CAPG: variants seen among roughly 807,000 people sequenced by gnomAD.
CAPG encodes macrophage-capping protein.
In CAPG, 32 loss-of-function variants were observed where a neutral mutation model predicts 44.6. The observed-to-expected ratio is 0.72, with a 90% CI of 0.54 to 0.96. The LOEUF is 0.96. Among genes scored for constraint, CAPG ranks in the 50% least tolerant of loss-of-function variants. The probability of loss-of-function intolerance (pLI) is 0.00; values close to 1 mark genes in which losing one functional copy is unlikely to be tolerated. For synonymous variants in CAPG, 175 were observed against 179.6 expected (o/e 0.97, Z 0.20); for missense variants, 412 against 438.3 (o/e 0.94, Z 0.54).
downstream of CAPG, among the ~76,000 whole-genome samples, chr2:85,392,365 G>A (rs1214202758): frequency 5.9e-5 from 9 of 151,354 alleles, no homozygotes; most frequent in East Asian, 1.6e-3. Flanking sequence ...ACTCCGGCCT[G>A]GGCAGCAGAG....
intron 1 of CAPG, among the ~76,000 whole-genome samples, chr2:85,403,016 G>A (rs937476122): frequency 6.0e-5 from 9 of 150,542 alleles, no homozygotes; most frequent in East Asian, 3.9e-4. Context: ...GGTGATTCAC[G>A]CGCCTCAGCC....
chr2:85,396,494 C>A (rs549879358), intron 8 of CAPG, among the ~76,000 whole-genome samples: 1 of 152,272 alleles, frequency 6.6e-6, no homozygotes, highest in South Asian at 2.1e-4. Flanking sequence ...CCATGAACTA[C>A]AATGTATCTG....
At chr2:85,396,011 C>T (rs745513493) in intron 8 of CAPG, 17 of 199,182 alleles carry the variant, frequency 8.5e-5, no homozygotes, top group Non-Finnish European at 1.7e-4. Flanking sequence ...TTCTGAAAAA[C>T]TAAATAAGAC....
intron 5 of CAPG, among the ~76,000 whole-genome samples, chr2:85,400,378 C>T (rs2104803087): frequency 6.6e-6 from 1 of 152,312 alleles, no homozygotes; most frequent in East Asian, 1.9e-4. Context: ...CTTGTCTCAG[C>T]ACGTGTAGTC....
chr2:85,398,219 G>T, intron 7 of CAPG, 67 bp from the exon 8 acceptor site: 1 of 1,569,218 alleles, frequency 6.4e-7, no homozygotes, highest in African/African-American at 1.4e-5. Context: ...CCTGAGGAGG[G>T]GGAGGCTGGT....
chr2:85,392,648 G>A (rs1273188582), downstream of CAPG, among the ~76,000 whole-genome samples: 3 of 152,234 alleles, frequency 2.0e-5, no homozygotes, highest in Non-Finnish European at 4.4e-5. Flanking sequence ...CCTCAAGGGT[G>A]GGGCTGGTAA....
chr2:85,411,912 A>C (rs2104856859), upstream of CAPG, among the ~76,000 whole-genome samples: 1 of 151,970 alleles, frequency 6.6e-6, no homozygotes, highest in South Asian at 2.1e-4. Flanking sequence ...AAATACAAAA[A>C]TTAGCCGGGC....
At chr2:85,399,578 C>T (rs989210737) in intron 5 of CAPG, among the ~76,000 whole-genome samples, 5 of 152,122 alleles carry the variant, frequency 3.3e-5, no homozygotes, top group South Asian at 2.1e-4. Context: ...GCAGCCTTGA[C>T]GTCATGGGCT....
chr2:85,399,740 C>CTTTTTT (rs765588444), intron 5 of CAPG, among the ~76,000 whole-genome samples: 11 of 127,556 alleles, frequency 8.6e-5, no homozygotes, highest in Non-Finnish European at 1.2e-4. Context: ...CTTTCTTTTT[C>CTTTTTT]TTTTTTTTTT....
At chr2:85,392,082 G>A (rs922789995), downstream of CAPG, among the ~76,000 whole-genome samples, 2 of 152,236 alleles carry the variant, frequency 1.3e-5, no homozygotes, top group Admixed American at 6.5e-5. Context: ...GGCCAGCACT[G>A]TTGGTTCCTT....
intron 6 of CAPG, 106 bp downstream of exon 6, chr2:85,399,030 G>C: frequency 7.7e-7 from 1 of 1,290,528 alleles, no homozygotes; most frequent in South Asian, 1.3e-5. Flanking sequence ...ACACCAGATG[G>C]CCCCTGCCAC....
In CAPG at chr2:85,398,126, G is replaced by A. The variant is rs1179290328; in HGVS notation, c.786C>T (p.Asn262=). Residue 262 remains asparagine, a synonymous_variant, in exon 8 of 10, where the codon AAC becomes AAT. Transcript: ENST00000263867. The stretch of plus-strand genomic sequence containing the variant: ...GGCTGGAGTCAGCCACCTTGGTCAG[G>A]TTCATCTGTCCAGTGGCATCAGAGA... The part of the protein sequence containing the change: ...YKVSDATGQM[N]LTKVADSSPF... 6 of 1,613,786 alleles carry A rather than the reference G, an allele frequency of 3.7e-6. No homozygotes were observed. The highest frequency in any genetic ancestry group is 8.5e-7 in the Non-Finnish European group (1 of 1,180,002).
intron 5 of CAPG, 146 bp from the exon 6 acceptor site, chr2:85,399,431 G>T: frequency 1.3e-6 from 1 of 793,080 alleles, no homozygotes; most frequent in Non-Finnish European, 2.0e-6. Flanking sequence ...AGCACAGAGG[G>T]CTCTCTGAAA....
chr2:85,414,419 G>T (rs1687504922), upstream of CAPG, among the ~76,000 whole-genome samples: 1 of 131,938 alleles, frequency 7.6e-6, no homozygotes, highest in South Asian at 2.5e-4. Context: ...TAGTTCAGTA[G>T]CAGAACTAAG....
intron 1 of CAPG, among the ~76,000 whole-genome samples, chr2:85,416,063 A>G (rs893211312): frequency 2.0e-5 from 3 of 152,134 alleles, no homozygotes; most frequent in African/African-American, 7.2e-5. Flanking sequence ...GCAAGATACC[A>G]TCACCATTAT....
upstream of CAPG, among the ~76,000 whole-genome samples, chr2:85,413,531 G>C (rs1299761774): frequency 2.0e-5 from 3 of 152,170 alleles, no homozygotes; most frequent in Non-Finnish European, 4.4e-5. Flanking sequence ...GGTGAGCCGA[G>C]ATCTCGCCAC....
At chr2:85,392,162 G>T (rs909878228), downstream of CAPG, among the ~76,000 whole-genome samples, 1 of 152,196 alleles carries the variant, frequency 6.6e-6, no homozygotes, top group Non-Finnish European at 1.5e-5. Context: ...AGGCCGAGGC[G>T]GGTGGATCAC....
rs763510461 is a variant in CAPG at position 85,395,969 on chromosome 2, G to C, written c.893-343C>G. 4 of 263,530 alleles carry C rather than the reference G, an allele frequency of 1.5e-5. No homozygotes were observed. The highest frequency in any genetic ancestry group is 8.3e-5 in the East Asian group (1 of 12,012). The allele number at this position is 263,530 out of a possible 1,614,324, so 16.3% of individuals were successfully genotyped here. Reference sequence around the variant, plus strand: ...AGGCCGCAGGTCTCCTTTTCCTCTAGGACCCCTCACCTCTTGAATTCATCA... The same window carrying C: ...AGGCCGCAGGTCTCCTTTTCCTCTACGACCCCTCACCTCTTGAATTCATCA... On this transcript the variant is annotated intron_variant, in intron 8 of 9. Coordinates refer to ENST00000263867, the MANE Select transcript of CAPG (RefSeq NM_001747.4). This position sits in a 1 kb window ranked among gnomAD's most constrained non-coding sequence, Gnocchi z 4.3.
chr2:85,399,076 C>A, intron 6 of CAPG, 60 bp downstream of exon 6: 1 of 1,575,812 alleles, frequency 6.3e-7, no homozygotes. Context: ...AGCTCATCAC[C>A]ACCTCTCTTG....
Sources: gnomAD v4.1 joint callset for allele counts (sites outside exome capture counted in the v4.1 genomes callset) on GRCh38, gnomAD v4.1.1 for gene constraint, Gnocchi (gnomAD v3.1) non-coding constraint, MANE v1.5 for transcripts, NCBI Gene and HGNC (gene_info 2026-07-23, HGNC 2026-07-21) for gene names.